The following AKR1D1 variants were observed in gnomAD, a reference collection of about 807,000 sequenced individuals.
The protein encoded by AKR1D1 is aldo-keto reductase family 1 member D1.
In AKR1D1, 32 loss-of-function variants were observed where a neutral mutation model predicts 42.6. The ratio of observed to expected loss-of-function variants is 0.75; its 90% CI spans 0.57 to 1.01. The LOEUF is 1.01. AKR1D1 is among the 50% of genes least tolerant of loss of function. The pLI is 0.00. For synonymous variants in AKR1D1, 123 were observed against 135.5 expected (o/e 0.91, Z 0.64); for missense variants, 364 against 402.2 (o/e 0.91, Z 0.81).
Position 138,080,446 on chromosome 7 carries a change from A to G in AKR1D1, c.93+3835A>G, listed in dbSNP as rs531349535. Among the ~76,000 whole-genome samples, 4 of 152,294 alleles carry G rather than the reference A, an allele frequency of 2.6e-5. No individual in the cohort carries two copies. In the South Asian group the frequency reaches 8.3e-4, roughly 32 times the overall value. ...TTGGCTGCCTATGTAACTTGCCTTT[A>G]GGGTGGGGGTGCCAGATTTAGCAAG... is the stretch of plus-strand genomic sequence containing the variant. On this transcript the variant is annotated intron_variant, in intron 1 of 8. Coordinates refer to ENST00000242375, the MANE Select transcript of AKR1D1 (RefSeq NM_005989.4).
chr7:138,102,922 C>T (rs1415938120), intron 4 of AKR1D1, among the ~76,000 whole-genome samples: 1 of 151,964 alleles, frequency 6.6e-6, no homozygotes, highest in African/African-American at 2.4e-5. Flanking sequence ...AACTGGGGAG[C>T]TTTTTTCTTC....
chr7:138,092,361 C>T (rs528977325), intron 3 of AKR1D1, among the ~76,000 whole-genome samples: 1 of 152,288 alleles, frequency 6.6e-6, no homozygotes, highest in Non-Finnish European at 1.5e-5. Flanking sequence ...TTTGTTAATG[C>T]TGACTCTTGT....
intron 1 of AKR1D1, among the ~76,000 whole-genome samples, chr7:138,078,289 T>C (rs1802984126): frequency 1.3e-5 from 2 of 152,120 alleles, no homozygotes; most frequent in African/African-American, 4.8e-5. Flanking sequence ...TCTATAGTAA[T>C]GAGACATCAT....
chr7:138,117,163 G>A lies in AKR1D1; in HGVS notation c.*501G>A, dbSNP rs1377126417. 1 of 156,112 alleles carries A rather than the reference G, an allele frequency of 6.4e-6. No individual in the cohort carries two copies. The highest frequency in any genetic ancestry group is 1.4e-5 in the Non-Finnish European group (1 of 70,134). The allele number at this position is 156,112 out of a possible 1,614,324, so 9.7% of individuals were successfully genotyped here. A position where few individuals can be genotyped will look rare whatever the true frequency, so the allele number is the denominator to read the frequency against. On this transcript the variant is annotated 3_prime_UTR_variant, in exon 9 of 9. Transcript: ENST00000242375. The stretch of plus-strand genomic sequence containing the variant: ...GAAGTGATTTGCTGCACCTTGAGTT[G>A]AGAGGGCTACATGTAGAAAAGTCTT...
chr7:138,110,626 G>C (rs370455000), intron 7 of AKR1D1, among the ~76,000 whole-genome samples: 1 of 151,944 alleles, frequency 6.6e-6, no homozygotes, highest in East Asian at 1.9e-4. Context: ...GGTCATGGGC[G>C]CCTGTAATCC....
At chr7:138,079,123 C>A (rs1803001275) in intron 1 of AKR1D1, among the ~76,000 whole-genome samples, 1 of 152,162 alleles carries the variant, frequency 6.6e-6, no homozygotes, top group Admixed American at 6.5e-5. Context: ...TGAGCCATGA[C>A]ACCCGGCCCT....
chr7:138,114,599 G>A lies in AKR1D1; in HGVS notation c.938+827G>A, dbSNP rs185667906. On this transcript the variant is annotated intron_variant, in intron 8 of 8. Coordinates refer to ENST00000242375, the MANE Select transcript of AKR1D1 (RefSeq NM_005989.4). ...TGCCTGAACCCAGGAGGCAGAGGTTGCAGTGAGCCGAGATCATGCCATTGC... is the reference window on the plus strand; with the variant it reads ...TGCCTGAACCCAGGAGGCAGAGGTTACAGTGAGCCGAGATCATGCCATTGC... Among the ~76,000 whole-genome samples, 1,445 of 146,744 alleles carry A rather than the reference G, an allele frequency of 9.8e-3. 30 individuals carry two copies. The highest frequency in any genetic ancestry group is 0.034 in the African/African-American group (1,349 of 39,414).
At chr7:138,098,046 A>T in intron 4 of AKR1D1, 103 bp downstream of exon 4, 2 of 934,220 alleles carry the variant, frequency 2.1e-6, no homozygotes, top group Non-Finnish European at 3.5e-6. Flanking sequence ...TTTACTTTCA[A>T]TGAAAAGTAA....
At chr7:138,085,636 G>A (rs1803159107) in intron 1 of AKR1D1, among the ~76,000 whole-genome samples, 1 of 151,698 alleles carries the variant, frequency 6.6e-6, no homozygotes, top group African/African-American at 2.4e-5. Context: ...AGTAGAAATG[G>A]GGTTTCACCA....
Position 138,116,988 on chromosome 7 carries a change from G to C in AKR1D1, c.*326G>C. The stretch of plus-strand genomic sequence containing the variant: ...TGACAACAAGTAATTTATGAATCTG[G>C]GTAGTAGCGTTGGTAATCTGAGTTC... On this transcript the variant is annotated 3_prime_UTR_variant, in exon 9 of 9. Transcript: ENST00000242375. 1.0e-5 allele frequency: 3 copies of C among 290,888 alleles called. No individual in the cohort carries two copies. Among genetic ancestry groups the C allele is most frequent in the Non-Finnish European group, 1.9e-5 (3 of 154,772 alleles). 18.0% of individuals were successfully genotyped at this position (290,888 alleles called of 1,614,324 possible).
chr7:138,090,594 G>A (rs1237844101), intron 2 of AKR1D1, among the ~76,000 whole-genome samples: 2 of 146,778 alleles, frequency 1.4e-5, no homozygotes, highest in Admixed American at 7.0e-5. Flanking sequence ...CCAAGATCAA[G>A]CCACTGCGCT....
At chr7:138,113,607 C>A in intron 7 of AKR1D1, 83 bp from the exon 8 acceptor site, 1 of 1,152,728 alleles carries the variant, frequency 8.7e-7, no homozygotes, top group Non-Finnish European at 1.3e-6. Flanking sequence ...ATTCATACAT[C>A]TTTGGAAGGC....
In AKR1D1 at chr7:138,105,448, C is replaced by A. The variant is rs1794404077; in HGVS notation, c.579+19C>A. On this transcript the variant is annotated intron_variant, in intron 5 of 8. Coordinates refer to ENST00000242375, the MANE Select transcript of AKR1D1 (RefSeq NM_005989.4). Reference sequence around the variant, plus strand: ...CAACCAGGTACAGCCTAATAGCTTCCACTAGGGTGTGGGGAGTGGGGGCAG... The same window carrying A: ...CAACCAGGTACAGCCTAATAGCTTCAACTAGGGTGTGGGGAGTGGGGGCAG... The A allele has an allele frequency of 3.7e-6, 6 of 1,613,562 alleles. No homozygotes were observed. Among genetic ancestry groups the A allele is most frequent in the Non-Finnish European group, 5.1e-6 (6 of 1,179,976 alleles).
At chr7:138,080,432 T>C (rs994325631) in intron 1 of AKR1D1, among the ~76,000 whole-genome samples, 8 of 152,352 alleles carry the variant, frequency 5.3e-5, no homozygotes, top group Non-Finnish European at 1.0e-4. Flanking sequence ...TGGCTGCCTA[T>C]GTAACTTGCC....
chr7:138,107,507 G>T lies in AKR1D1; in HGVS notation c.782G>T (p.Arg261Leu), dbSNP rs143101649. The part of the protein sequence containing the change: ...YNKTAAQIVL[R>L]FNIQRGVVVI... ...AAGACAGCAGCTCAAATTGTTTTGC[G>T]TTTCAACATCCAGCGAGGGGTGGTT... The change falls in exon 7 of 9, where the codon CGT becomes CTT. Residue 261 changes from arginine to leucine, a missense_variant. Coordinates refer to ENST00000242375, the MANE Select transcript of AKR1D1 (RefSeq NM_005989.4). 2.5e-6 allele frequency: 4 copies of T among 1,614,080 alleles called. No individual in the cohort carries two copies. Among genetic ancestry groups the T allele is most frequent in the Non-Finnish European group, 3.4e-6 (4 of 1,179,978 alleles).
chr7:138,102,434 G>A (rs1466857019), intron 4 of AKR1D1, among the ~76,000 whole-genome samples: 4 of 152,086 alleles, frequency 2.6e-5, no homozygotes, highest in Non-Finnish European at 5.9e-5. Context: ...GTGCATGGGA[G>A]TTGCATGTGC....
chr7:138,111,672 C>T (rs778680800), intron 7 of AKR1D1, among the ~76,000 whole-genome samples: 5 of 152,048 alleles, frequency 3.3e-5, no homozygotes, highest in South Asian at 4.2e-4. Flanking sequence ...AATCCACATA[C>T]GACAAGAAAA....
chr7:138,082,493 G>A (rs1042018065), intron 1 of AKR1D1, among the ~76,000 whole-genome samples: 2 of 151,966 alleles, frequency 1.3e-5, no homozygotes, highest in African/African-American at 2.4e-5. Context: ...TCTGCCTCTC[G>A]AGTAGCCAGG....
chr7:138,077,161 T>G (rs1012402940), intron 1 of AKR1D1, among the ~76,000 whole-genome samples: 2 of 152,186 alleles, frequency 1.3e-5, no homozygotes, highest in African/African-American at 4.8e-5. Context: ...TGAAAGCATA[T>G]GTATTGGTCC....
Sources: allele counts gnomAD v4.1 joint callset (sites outside exome capture counted in the v4.1 genomes callset), GRCh38; gene constraint gnomAD v4.1.1; transcripts MANE v1.5; gene names NCBI Gene and HGNC (gene_info 2026-07-23, HGNC 2026-07-21).